FGF14: variants seen among roughly 807,000 people sequenced by gnomAD.
FGF14 encodes fibroblast growth factor 14.
FGF14 carries 5 observed loss-of-function variants against 25.5 expected under a neutral mutation model. The observed-to-expected ratio is 0.20, with a 90% CI of 0.10 to 0.41. The LOEUF is 0.41. Ranked by LOEUF, FGF14 falls within the 10% of genes least tolerant of loss-of-function variation. FGF14 has a pLI of 1.00. For missense variants in FGF14, 222 were observed against 320.1 expected (o/e 0.69, Z 2.34); for synonymous variants, 138 against 118.3 (o/e 1.17, Z -1.08).
At chr13:101,919,036 T>G (rs1200809121), upstream of FGF14, among the ~76,000 whole-genome samples, 2 of 152,030 alleles carry the variant, frequency 1.3e-5, no homozygotes, top group Admixed American at 1.3e-4. Context: ...CATATGTCTC[T>G]TTTCTTCCAT....
rs572381306 is a variant in FGF14, at chr13:101,719,525, A to AATT, written c.*3303_*3305dup. The AATT allele has an allele frequency of 3.2e-4, 49 of 152,248 alleles. No individual in the cohort carries two copies. The highest frequency in any genetic ancestry group is 1.2e-3 in the African/African-American group (48 of 41,558). The allele number at this position is 152,248 out of a possible 1,614,324, so 9.4% of individuals were successfully genotyped here. On this transcript the variant is annotated 3_prime_UTR_variant, in exon 5 of 5. Coordinates refer to ENST00000376143, the MANE Select transcript of FGF14 (RefSeq NM_004115.4). The stretch of plus-strand genomic sequence containing the variant: ...GGTGGAGAATTGTCATGTCTTCTCT[A>AATT]ATTTTTCCAAGTAAAGTGGTAGCAA...
At position 101,971,673 on chromosome 13, in the gene FGF14, C is replaced by T. The variant is rs544188341; in HGVS notation, c.209-96377G>A. Among the ~76,000 whole-genome samples, 6 of 152,254 alleles carry T rather than the reference C, an allele frequency of 3.9e-5. No individual in the cohort carries two copies. The East Asian group carries it at 9.7e-4, about 25-fold the overall frequency. On this transcript the variant is annotated intron_variant, in intron 1 of 4. Transcript: ENST00000376131. ...AGGCGTGAGCCACCACACCCAGCCT[C>T]AGCATAGAAATTTGAAGTAGTTATT... is the stretch of plus-strand genomic sequence containing the variant.
chr13:101,786,446 C>T (rs370345048), intron 3 of FGF14, among the ~76,000 whole-genome samples: 20 of 152,242 alleles, frequency 1.3e-4, no homozygotes, highest in Admixed American at 5.2e-4. Flanking sequence ...TATTTCCTCA[C>T]AGTCTAAAAA....
intron 1 of FGF14, among the ~76,000 whole-genome samples, chr13:102,009,990 TTGAA>T (rs1249027198): frequency 1.1e-4 from 17 of 152,300 alleles, no homozygotes; most frequent in Admixed American, 3.3e-4. Context: ...TTCTTAAATG[TTGAA>T]TGATGAAAAT....
At chr13:102,139,812 T>G (rs2046564925) in intron 1 of FGF14, among the ~76,000 whole-genome samples, 2 of 152,120 alleles carry the variant, frequency 1.3e-5, no homozygotes, top group Admixed American at 6.5e-5. Context: ...GCTGGAGAGC[T>G]ATGGGAACAA....
chr13:102,205,625 G>C (rs772680851), intron 1 of FGF14, among the ~76,000 whole-genome samples: 1 of 151,430 alleles, frequency 6.6e-6, no homozygotes, highest in Non-Finnish European at 1.5e-5. Context: ...TCTCCAAAGG[G>C]AAAGAGTTCT....
At chr13:102,004,463 T>C (rs1335158715) in intron 1 of FGF14, among the ~76,000 whole-genome samples, 6 of 152,176 alleles carry the variant, frequency 3.9e-5, no homozygotes, top group African/African-American at 2.4e-5. Context: ...TCAGCCAAAG[T>C]ATTCTCTGTA....
In FGF14 at chr13:102,309,135, T is replaced by TACACACACACACACACACACACAC. The variant is rs34911009; in HGVS notation, c.208+92312_208+92335dup. ...CACACAAATGCATACATGCATAACATACACACACACACACACACACACACA... is the reference window on the plus strand; with the variant it reads ...CACACAAATGCATACATGCATAACATACACACACACACACACACACACACACACACACACACACACACACACACA... On this transcript the variant is annotated intron_variant, in intron 1 of 4. Transcript: ENST00000376131. Among the ~76,000 whole-genome samples, 688 of 142,518 alleles carry TACACACACACACACACACACACAC rather than the reference T, an allele frequency of 4.8e-3. 6 individuals carry two copies. The highest frequency in any genetic ancestry group is 0.017 in the African/African-American group (626 of 37,606). 93.5% of individuals were successfully genotyped at this position (142,518 alleles called of 152,430 possible).
intron 1 of FGF14, among the ~76,000 whole-genome samples, chr13:102,212,612 C>T (rs2050208272): frequency 6.6e-6 from 1 of 152,158 alleles, no homozygotes. Context: ...AAATAACATA[C>T]TCTGGGCACA....
At chr13:101,838,461 T>A (rs1206108332) in intron 3 of FGF14, among the ~76,000 whole-genome samples, 14 of 151,986 alleles carry the variant, frequency 9.2e-5, no homozygotes, top group Non-Finnish European at 2.1e-4. Flanking sequence ...AAAATATGCA[T>A]GGGAGTCACT....
chr13:102,286,806 A>G (rs1197124453), intron 1 of FGF14, among the ~76,000 whole-genome samples: 49 of 152,212 alleles, frequency 3.2e-4, no homozygotes, highest in Admixed American at 3.2e-3. Context: ...GGCACTTTGT[A>G]TAATTCTACA....
intron 1 of FGF14, among the ~76,000 whole-genome samples, chr13:102,183,556 G>A (rs117346795): frequency 6.6e-6 from 1 of 152,230 alleles, no homozygotes; most frequent in Non-Finnish European, 1.5e-5. Flanking sequence ...TCTACCATAC[G>A]CTGGGAATAA....
upstream of FGF14, among the ~76,000 whole-genome samples, chr13:101,920,962 T>A (rs1299414672): frequency 1.3e-5 from 2 of 152,190 alleles, no homozygotes; most frequent in African/African-American, 4.8e-5. Flanking sequence ...CTGTGCTTGA[T>A]GGTCTCCTGA....
intron 1 of FGF14, among the ~76,000 whole-genome samples, chr13:102,275,320 T>G (rs1387715425): frequency 6.6e-6 from 1 of 150,718 alleles, no homozygotes; most frequent in African/African-American, 2.4e-5. Flanking sequence ...GTCATATTTG[T>G]TTTGGTATTT....
At position 102,382,211 on chromosome 13, in the gene FGF14, G is replaced by T. The variant is rs144650685; in HGVS notation, c.208+19260C>A. Among the ~76,000 whole-genome samples, 770 of 152,066 alleles carry T rather than the reference G, an allele frequency of 5.1e-3. 5 individuals are homozygous for T. The highest frequency in any genetic ancestry group is 0.018 in the African/African-American group (731 of 41,512). ...AGTGAAAAGAAAATCCACAGAATGG[G>T]ATAAAATACTTCTAAATCATATACC... is the stretch of plus-strand genomic sequence containing the variant. On this transcript the variant is annotated intron_variant, in intron 1 of 4. Coordinates refer to the FGF14 transcript ENST00000376131.
chr13:101,898,904 A>C (rs1407498244), intron 1 of FGF14, among the ~76,000 whole-genome samples: 1 of 152,208 alleles, frequency 6.6e-6, no homozygotes, highest in African/African-American at 2.4e-5. Flanking sequence ...TGTGTTGTAC[A>C]TTACTCTTTC....
chr13:101,815,469 CTA>C (rs1566934827), intron 3 of FGF14, among the ~76,000 whole-genome samples: 1 of 152,150 alleles, frequency 6.6e-6, no homozygotes, highest in Admixed American at 6.5e-5. Context: ...GAAGCTGCAG[CTA>C]CCAGGTACTT....
chr13:101,764,118 T>C (rs547903834), intron 3 of FGF14, among the ~76,000 whole-genome samples: 27 of 152,288 alleles, frequency 1.8e-4, no homozygotes, highest in African/African-American at 5.3e-4. Flanking sequence ...CTGTTAAGAA[T>C]TGTTGGCACT....
chr13:102,180,240 A>G (rs2048613362), intron 1 of FGF14, among the ~76,000 whole-genome samples: 1 of 152,186 alleles, frequency 6.6e-6, no homozygotes, highest in Admixed American at 6.5e-5. Context: ...AGGACTATTT[A>G]CTGTCATTTC....
Sources: allele counts gnomAD v4.1 joint callset (sites outside exome capture counted in the v4.1 genomes callset), GRCh38; gene constraint gnomAD v4.1.1; transcripts MANE v1.5; gene names NCBI Gene and HGNC (gene_info 2026-07-23, HGNC 2026-07-21).